Variants in NUGGC observed in about 807,000 individuals in gnomAD.
The protein encoded by NUGGC is nuclear GTPase, germinal center associated.
A neutral mutation model predicts 92.6 loss-of-function variants in NUGGC; 58 were observed. That is an observed-to-expected ratio of 0.63 (90% CI 0.51 to 0.78). The LOEUF (loss-of-function observed/expected upper bound fraction) is 0.78, where lower values mean the gene tolerates loss of function less well. Among genes scored for constraint, NUGGC ranks in the 30% least tolerant of loss-of-function variants. NUGGC has a pLI of 0.00. For missense variants in NUGGC, 925 were observed against 964.6 expected, an observed-to-expected ratio of 0.96 and a Z score of 0.54; for synonymous variants, 376 against 366.4, an observed-to-expected ratio of 1.03 and a Z score of -0.30.
At chr8:28,060,644 TCA>T in intron 7 of NUGGC, 43 bp from the exon 8 acceptor site, 1 of 1,564,030 alleles carries the variant, frequency 6.4e-7, no homozygotes, top group Non-Finnish European at 8.7e-7. Flanking sequence ...AGGAATGGAG[TCA>T]CAGTTCCTGA....
chr8:28,045,694 AG>A, intron 11 of NUGGC, 34 bp from the exon 12 acceptor site: 1 of 1,600,036 alleles, frequency 6.2e-7, no homozygotes, highest in Non-Finnish European at 8.5e-7. Context: ...TAATTGTTAA[AG>A]GCCAGAAGTT....
chr8:28,072,103 C>T (rs769803651), intron 2 of NUGGC, among the ~76,000 whole-genome samples: 1 of 152,240 alleles, frequency 6.6e-6, no homozygotes, highest in Non-Finnish European at 1.5e-5. Flanking sequence ...TATTCTAGTG[C>T]AAGCCATGCT....
At position 28,022,157 on chromosome 8, in the gene NUGGC, CTTTTTTTTTT is replaced by C. The variant is rs35977212; in HGVS notation, c.*1150_*1159del. On this transcript the variant is annotated 3_prime_UTR_variant, in exon 19 of 19. Coordinates refer to ENST00000413272, the MANE Select transcript of NUGGC (RefSeq NM_001010906.2). ...TATATATATATATTTTTTTCTTTTT[CTTTTTTTTTT>C]TTTTTTTTTGAGACATAGTCTCACT... 6 of 95,948 alleles carry C rather than the reference CTTTTTTTTTT, an allele frequency of 6.3e-5. No individual in the cohort carries two copies. The highest frequency in any genetic ancestry group is 1.2e-4 in the Admixed American group (1 of 8,460). The allele number at this position is 95,948 out of a possible 1,614,324, so 5.9% of individuals were successfully genotyped here.
At chr8:28,037,291 C>A (rs577240359) in intron 13 of NUGGC, among the ~76,000 whole-genome samples, 1 of 152,286 alleles carries the variant, frequency 6.6e-6, no homozygotes, top group South Asian at 2.1e-4. Context: ...CTAAAGTCTG[C>A]AGCAAGCTGA....
At chr8:28,076,526 G>C (rs1256995611) in intron 1 of NUGGC, among the ~76,000 whole-genome samples, 1 of 152,152 alleles carries the variant, frequency 6.6e-6, no homozygotes, top group African/African-American at 2.4e-5. Flanking sequence ...TGAACTCCTG[G>C]ACTCAAGTGA....
At chr8:28,035,430 CA>C (rs1809530337) in intron 13 of NUGGC, among the ~76,000 whole-genome samples, 1 of 152,138 alleles carries the variant, frequency 6.6e-6, no homozygotes, top group South Asian at 2.1e-4. Flanking sequence ...TGGCTGGGGG[CA>C]TAGTCATCTG....
chr8:28,029,255 G>T lies in NUGGC; in HGVS notation c.2154+11C>A, dbSNP rs1809349575. ...TCGGGGTCTAGGATCCAGGATGTGG[G>T]CATAGAGTACCTTCAGCTGCTGAAA... is the stretch of plus-strand genomic sequence containing the variant. On this transcript the variant is annotated intron_variant, in intron 17 of 18. Coordinates refer to ENST00000413272, the MANE Select transcript of NUGGC (RefSeq NM_001010906.2). 1.2e-5 allele frequency: 19 copies of T among 1,600,392 alleles called. No individual in the cohort carries two copies. Among genetic ancestry groups the T allele is most frequent in the Non-Finnish European group, 1.6e-5 (19 of 1,173,320 alleles).
intron 10 of NUGGC, among the ~76,000 whole-genome samples, chr8:28,049,872 G>C (rs963080344): frequency 1.3e-5 from 2 of 152,128 alleles, no homozygotes; most frequent in Admixed American, 6.5e-5. Flanking sequence ...GATTGCCTAA[G>C]CTCAGGAATT....
chr8:28,046,405 T>G (rs888147224), intron 11 of NUGGC, among the ~76,000 whole-genome samples: 2 of 152,214 alleles, frequency 1.3e-5, no homozygotes, highest in Non-Finnish European at 2.9e-5. Flanking sequence ...TGACCCTGCC[T>G]GCCCACCCAC....
chr8:28,070,547 T>A (rs1374966237), intron 2 of NUGGC, among the ~76,000 whole-genome samples, 191 bp from the exon 3 acceptor site: 1 of 151,364 alleles, frequency 6.6e-6, no homozygotes, highest in Non-Finnish European at 1.5e-5. Flanking sequence ...GGTCAGGAGT[T>A]CGAGACATGC....
chr8:28,026,926 A>ACAATCACC, intron 18 of NUGGC, 36 bp downstream of exon 18: 1 of 1,406,234 alleles, frequency 7.1e-7, no homozygotes, highest in South Asian at 1.2e-5. Context: ...GGCTGTCTGC[A>ACAATCACC]CAATCACCCT....
chr8:28,065,402 C>T (rs759957679), intron 6 of NUGGC, among the ~76,000 whole-genome samples: 1 of 152,088 alleles, frequency 6.6e-6, no homozygotes, highest in Admixed American at 6.5e-5. Flanking sequence ...CGTTGTGATC[C>T]GCCCTCCTCA....
chr8:28,080,044 C>A (rs144691986), intron 1 of NUGGC, among the ~76,000 whole-genome samples: 1 of 152,064 alleles, frequency 6.6e-6, no homozygotes, highest in African/African-American at 2.4e-5. Flanking sequence ...CAGGTTCAAG[C>A]GATTCTCCTG....
rs189610490 is a variant in NUGGC at position 28,078,074 on chromosome 8, C to G, written c.-46-3618G>C. Reference sequence around the variant, plus strand: ...GCAAGGGCCGTTAGCATGTAACTAGCTGGGGTTGGTTTGGGTTTAGCTGCA... The same window carrying G: ...GCAAGGGCCGTTAGCATGTAACTAGGTGGGGTTGGTTTGGGTTTAGCTGCA... On this transcript the variant is annotated intron_variant, in intron 1 of 18. Coordinates refer to ENST00000413272, the MANE Select transcript of NUGGC (RefSeq NM_001010906.2). Among the ~76,000 whole-genome samples, 1,209 of 152,302 alleles carry G rather than the reference C, an allele frequency of 7.9e-3. 8 individuals are homozygous for G. The highest frequency in any genetic ancestry group is 0.013 in the Non-Finnish European group (884 of 68,026).
chr8:28,074,455 G>T lies in NUGGC; in HGVS notation c.-45C>A. On this transcript the variant is annotated splice_region_variant and 5_prime_UTR_variant, in exon 2 of 19. The change creates a new upstream start codon in the 5' untranslated region. Coordinates refer to ENST00000413272, the MANE Select transcript of NUGGC (RefSeq NM_001010906.2). The stretch of plus-strand genomic sequence containing the variant: ...TGCTCTTCTCAGTTCAGGAGAACCA[G>T]CCTGTGAAGACAAAGTACAAAGACA... 1 of 1,608,310 alleles carries T rather than the reference G, an allele frequency of 6.2e-7. No individual in the cohort carries two copies. Among genetic ancestry groups the T allele is most frequent in the Non-Finnish European group, 8.5e-7 (1 of 1,175,956 alleles).
intron 18 of NUGGC, among the ~76,000 whole-genome samples, chr8:28,024,692 A>G (rs1809211345): frequency 6.6e-6 from 1 of 152,036 alleles, no homozygotes; most frequent in African/African-American, 2.4e-5. Flanking sequence ...CTGGCCAGGG[A>G]TGGGACTCAT....
intron 13 of NUGGC, among the ~76,000 whole-genome samples, chr8:28,037,517 G>A (rs1268656124): frequency 2.0e-5 from 3 of 152,116 alleles, no homozygotes; most frequent in East Asian, 1.9e-4. Flanking sequence ...CCTGGCCTGC[G>A]ATTTCTTTTC....
In NUGGC at chr8:28,030,303, C is replaced by A; in HGVS notation, c.2017+7G>T. On this transcript the variant is annotated splice_region_variant and intron_variant, in intron 16 of 18. Transcript: ENST00000413272. ...CAGGCAGAAATGCTGTCCTCCGCAG[C>A]CCCCACCTTCGTAACAGAGCTTCAG... 2 of 1,478,254 alleles carry A rather than the reference C, an allele frequency of 1.4e-6. No individual in the cohort carries two copies. Among genetic ancestry groups the A allele is most frequent in the Non-Finnish European group, 1.9e-6 (2 of 1,075,198 alleles). 91.6% of individuals were successfully genotyped at this position (1,478,254 alleles called of 1,614,324 possible). A position where few individuals can be genotyped will look rare whatever the true frequency, so the allele number is the denominator to read the frequency against.
chr8:28,026,350 G>T (rs73669170), intron 18 of NUGGC, among the ~76,000 whole-genome samples: 1 of 152,106 alleles, frequency 6.6e-6, no homozygotes, highest in Non-Finnish European at 1.5e-5. Flanking sequence ...TTTGTACCAG[G>T]TTACCCTCTC....
Sources: gnomAD v4.1 joint callset for allele counts (sites outside exome capture counted in the v4.1 genomes callset) on GRCh38, gnomAD v4.1.1 for gene constraint, MANE v1.5 for transcripts, NCBI Gene and HGNC (gene_info 2026-07-23, HGNC 2026-07-21) for gene names.